CPOX: variants seen among roughly 807,000 people sequenced by gnomAD.
The protein encoded by CPOX is coproporphyrinogen oxidase, also known as oxygen-dependent coproporphyrinogen-III oxidase, mitochondrial.
Under a neutral mutation model 48.9 loss-of-function variants are expected in CPOX, and 24 were observed. The ratio of observed to expected loss-of-function variants is 0.49; its 90% CI spans 0.36 to 0.69. The LOEUF is 0.69. Among genes scored for constraint, CPOX ranks in the 30% least tolerant of loss-of-function variants. CPOX has a pLI of 0.00. For synonymous variants in CPOX, 249 were observed against 234.6 expected, an observed-to-expected ratio of 1.06 and a Z score of -0.56; for missense variants, 549 against 597.3, an observed-to-expected ratio of 0.92 and a Z score of 0.84.
chr3:98,580,857 TAAG>T, intron 6 of CPOX, 87 bp from the exon 7 acceptor site: 1 of 1,350,552 alleles, frequency 7.4e-7, no homozygotes, highest in East Asian at 2.6e-5. Context: ...AATAAAATCC[TAAG>T]AATAAAAAAA....
At chr3:98,592,702 C>A (rs906038579) in intron 1 of CPOX, among the ~76,000 whole-genome samples, 1 of 152,078 alleles carries the variant, frequency 6.6e-6, no homozygotes, top group Non-Finnish European at 1.5e-5. Flanking sequence ...AATGCTGCTA[C>A]GGAATTGCAA....
At position 98,588,762 on chromosome 3, in the gene CPOX, C is replaced by G. The variant is rs1218065487; in HGVS notation, c.904G>C (p.Glu302Gln). Residue 302 changes from glutamate to glutamine, a missense_variant, in exon 4 of 7, where the codon GAG (glutamate) becomes CAG (glutamine). By Grantham distance (29) the Glu-to-Gln change is conservative. This residue lies in a region of CPOX where 213 missense variants were observed against 279.1 expected (regional missense o/e 0.76). Transcript: ENST00000647941. ...TCTGGACCATGCTGGTCACAAGCCT[C>G]CTTCAGAGTTCTGTGAAAATGGACA... is the stretch of plus-strand genomic sequence containing the variant. ...DAVHFHRTLK[E>Q]ACDQHGPDLY... 1.9e-6 allele frequency: 3 copies of G among 1,614,182 alleles called. No homozygotes were observed. The highest frequency in any genetic ancestry group is 2.5e-6 in the Non-Finnish European group (3 of 1,180,034).
chr3:98,593,273 G>C lies in CPOX; in HGVS notation c.232C>G (p.Leu78Val). Residue 78 changes from leucine (L) to valine (V), a missense_variant, in exon 1 of 7, where the codon CTG becomes GTG. By Grantham distance (32) the Leu-to-Val change is conservative. Transcript: ENST00000647941. ...SRGGPWVGTG[L>V]AAALAGLVGL... ...ACCAACCCCGCCAGCGCCGCGGCCAGCCCTGTCCCCACCCAGGGGCCGCCT... is the reference window on the plus strand; with the variant it reads ...ACCAACCCCGCCAGCGCCGCGGCCACCCCTGTCCCCACCCAGGGGCCGCCT... The C allele has an allele frequency of 6.7e-7, 1 of 1,482,660 alleles. No homozygotes were observed. The highest frequency in any genetic ancestry group is 8.9e-7 in the Non-Finnish European group (1 of 1,124,572). The allele number at this position is 1,482,660 out of a possible 1,614,324, so 91.8% of individuals were successfully genotyped here. A position where few individuals can be genotyped will look rare whatever the true frequency, so the allele number is the denominator to read the frequency against.
At chr3:98,581,255 T>C (rs1301592541) in intron 6 of CPOX, 152 bp downstream of exon 6, 1 of 661,102 alleles carries the variant, frequency 1.5e-6, no homozygotes, top group African/African-American at 1.8e-5. Context: ...CAATTTGATT[T>C]GCCTTATTTG....
At chr3:98,588,389 T>C (rs913000272) in intron 4 of CPOX, among the ~76,000 whole-genome samples, 81 of 152,178 alleles carry the variant, frequency 5.3e-4, no homozygotes, top group African/African-American at 1.9e-3. Context: ...GGAATAATAA[T>C]TCTCATCTGG....
chr3:98,588,926 T>C, intron 3 of CPOX, 72 bp from the exon 4 acceptor site: 1 of 1,544,700 alleles, frequency 6.5e-7, no homozygotes, highest in Admixed American at 1.7e-5. Context: ...TTAGGACACT[T>C]AATTTAGCAG....
At chr3:98,571,901 CTTG>C in the CPOX span, among the ~76,000 whole-genome samples, 1 of 151,724 alleles carries the variant, frequency 6.6e-6, no homozygotes, top group African/African-American at 2.4e-5. Context: ...TCATTTTTGT[CTTG>C]TTGTATTATA....
intron 3 of CPOX, among the ~76,000 whole-genome samples, chr3:98,590,179 G>C (rs889678177): frequency 6.6e-6 from 1 of 152,276 alleles, no homozygotes; most frequent in South Asian, 2.1e-4. Context: ...ACGGAGTCTC[G>C]CTCTGTCACC....
Position 98,588,804 on chromosome 3 carries a change from A to C in CPOX, c.862T>G (p.Leu288Val). The C allele has an allele frequency of 1.2e-6, 2 of 1,614,218 alleles. No individual in the cohort carries two copies. Among genetic ancestry groups the C allele is most frequent in the Non-Finnish European group, 1.7e-6 (2 of 1,180,016 alleles). The change falls in exon 4 of 7, where the codon TTG (leucine) becomes GTG (valine). Residue 288 changes from leucine (L) to valine (V), a missense_variant. Physicochemically the swap from Leu to Val is conservative, Grantham distance 32 (BLOSUM62 1). This residue lies in a region of CPOX where 213 missense variants were observed against 279.1 expected (regional missense o/e 0.76). Transcript: ENST00000647941. ...AAATGGACAGCGTCTTCTTGATTCAAGTATGTTGGAGTGAGGTCACATCCA... is the reference window on the plus strand; with the variant it reads ...AAATGGACAGCGTCTTCTTGATTCACGTATGTTGGAGTGAGGTCACATCCA... ...GGGCDLTPTY[L>V]NQEDAVHFHR...
At position 98,592,860 on chromosome 3, in the gene CPOX, T is replaced by C. The variant is rs748278283; in HGVS notation, c.556+89A>G. 468 of 1,385,652 alleles carry C rather than the reference T, an allele frequency of 3.4e-4. 1 individual carries two copies. Among genetic ancestry groups the C allele is most frequent in the Admixed American group, 6.1e-4 (31 of 50,856 alleles). 85.8% of individuals were successfully genotyped at this position (1,385,652 alleles called of 1,614,324 possible). On this transcript the variant is annotated intron_variant, in intron 1 of 6. Coordinates refer to ENST00000647941, the MANE Select transcript of CPOX (RefSeq NM_000097.7). ...GGTACCCCCTACCTACCCCATCCCA[T>C]ATTGTGAACTATTATATTTTCTGTC... is the stretch of plus-strand genomic sequence containing the variant.
At chr3:98,581,646 C>T in intron 5 of CPOX, 135 bp from the exon 6 acceptor site, 1 of 677,828 alleles carries the variant, frequency 1.5e-6, no homozygotes, top group Non-Finnish European at 2.7e-6. Flanking sequence ...AGGACACCAG[C>T]CTACAGCCCA....
chr3:98,578,957 A>G (rs1053188072), downstream of CPOX, among the ~76,000 whole-genome samples: 6 of 152,220 alleles, frequency 3.9e-5, no homozygotes, highest in African/African-American at 1.4e-4. Flanking sequence ...TGGCATTAGC[A>G]TAGCTGAGCC....
the CPOX span, among the ~76,000 whole-genome samples, chr3:98,574,018 TC>T: frequency 6.6e-6 from 1 of 152,196 alleles, no homozygotes; most frequent in South Asian, 2.1e-4. Context: ...TGCATGCACT[TC>T]CTTGGGTGGC....
At position 98,580,116 on chromosome 3, in the gene CPOX, C is replaced by A; in HGVS notation, c.*567G>T. On this transcript the variant is annotated 3_prime_UTR_variant, in exon 7 of 7. Coordinates refer to ENST00000647941, the MANE Select transcript of CPOX (RefSeq NM_000097.7). ...ACACATGCAGAGATTATTTCAAGTGCTTCTAAATACCTATTAGAAAAATGT... is the reference window on the plus strand; with the variant it reads ...ACACATGCAGAGATTATTTCAAGTGATTCTAAATACCTATTAGAAAAATGT... 1.0e-6 allele frequency: 1 copy of A among 977,494 alleles called. No individual in the cohort carries two copies. Among genetic ancestry groups the A allele is most frequent in the Non-Finnish European group, 1.2e-6 (1 of 822,512 alleles). 60.6% of individuals were successfully genotyped at this position (977,494 alleles called of 1,614,324 possible). A position where few individuals can be genotyped will look rare whatever the true frequency, so the allele number is the denominator to read the frequency against.
At chr3:98,573,114 G>A in the CPOX span, among the ~76,000 whole-genome samples, 12 of 152,088 alleles carry the variant, frequency 7.9e-5, no homozygotes, top group Non-Finnish European at 1.5e-4. Flanking sequence ...TTAGAATTAT[G>A]TTTCCTCTGA....
In CPOX at chr3:98,593,133, G is replaced by T; in HGVS notation, c.372C>A (p.Ala124=). The T allele has an allele frequency of 6.2e-7, 1 of 1,613,310 alleles. No individual in the cohort carries two copies. Among genetic ancestry groups the T allele is most frequent in the Non-Finnish European group, 8.5e-7 (1 of 1,179,894 alleles). The change falls in exon 1 of 7, where the codon GCC becomes GCA. Residue 124 remains alanine, a synonymous_variant. Transcript: ENST00000647941. ...GRPEEEEDEL[A]HRCSSFMAPP... ...GGGCCATGAAGCTGCTGCAGCGGTG[G>T]GCCAGCTCATCCTCCTCCTCCTCCG...
intron 6 of CPOX, 43 bp from the exon 7 acceptor site, chr3:98,580,813 G>T: frequency 6.2e-7 from 1 of 1,602,478 alleles, no homozygotes; most frequent in South Asian, 1.1e-5. Flanking sequence ...CATAAAAAAT[G>T]ACACACATAC....
chr3:98,578,723 C>T (rs1273138446), downstream of CPOX, among the ~76,000 whole-genome samples: 1 of 152,184 alleles, frequency 6.6e-6, no homozygotes, highest in Non-Finnish European at 1.5e-5. Flanking sequence ...TTTCACTTGG[C>T]ATAATGTTTC....
At position 98,579,571 on chromosome 3, in the gene CPOX, ATATG is replaced by A. The variant is rs1559672872; in HGVS notation, c.*1108_*1111del. On this transcript the variant is annotated 3_prime_UTR_variant, in exon 7 of 7. Transcript: ENST00000647941. ...ACATTCAACGTGTTCCACGATAATG[ATATG>A]TATGAGATGCTCTTCCTTATAAACT... 7.1e-6 allele frequency: 7 copies of A among 985,314 alleles called. No individual in the cohort carries two copies. The highest frequency in any genetic ancestry group is 8.4e-6 in the Non-Finnish European group (7 of 829,886). 61.0% of individuals were successfully genotyped at this position (985,314 alleles called of 1,614,324 possible).
Sources: gnomAD v4.1 joint callset for allele counts (sites outside exome capture counted in the v4.1 genomes callset) on GRCh38, gnomAD v4.1.1 for gene constraint, gnomAD v4.1.1 regional missense constraint, MANE v1.5 for transcripts, NCBI Gene and HGNC (gene_info 2026-07-23, HGNC 2026-07-21) for gene names.